Variants in CTNNA3 observed in about 807,000 individuals in gnomAD.
CTNNA3 encodes catenin alpha 3.
A neutral mutation model predicts 95.7 loss-of-function variants in CTNNA3; 76 were observed. The ratio of observed to expected loss-of-function variants is 0.79; its 90% CI spans 0.66 to 0.96. The LOEUF is 0.96. Among genes scored for constraint, CTNNA3 ranks in the 40% least tolerant of loss-of-function variants. The pLI is 0.00. For missense variants in CTNNA3, 1,191 were observed against 1,089.8 expected, an observed-to-expected ratio of 1.09 and a Z score of -1.31; for synonymous variants, 431 against 374.4, an observed-to-expected ratio of 1.15 and a Z score of -1.74.
At chr10:66,070,523 A>G (rs1396851496) in intron 14 of CTNNA3, among the ~76,000 whole-genome samples, 1 of 152,170 alleles carries the variant, frequency 6.6e-6, no homozygotes, top group East Asian at 1.9e-4. Flanking sequence ...TGTATCTCAG[A>G]GGTCATAAAT....
chr10:67,456,268 C>G (rs1847169377), intron 5 of CTNNA3, among the ~76,000 whole-genome samples: 1 of 152,062 alleles, frequency 6.6e-6, no homozygotes, highest in Non-Finnish European at 1.5e-5. Context: ...ACCATGGGAA[C>G]AATTTTTCAT....
intron 17 of CTNNA3, among the ~76,000 whole-genome samples, chr10:65,935,761 A>G (rs2077327575): frequency 6.6e-6 from 1 of 152,062 alleles, no homozygotes; most frequent in African/African-American, 2.4e-5. Flanking sequence ...ATTGACAGAT[A>G]ATATTTTATG....
At chr10:66,392,998 A>G (rs7893510) in intron 11 of CTNNA3, among the ~76,000 whole-genome samples, 24,578 of 152,112 alleles carry the variant, frequency 0.16, 2,724 homozygotes, top group East Asian at 0.45. Context: ...TGTAACCAAC[A>G]TGTTCTTCAG....
chr10:67,120,300 A>G (rs1224059054), intron 7 of CTNNA3, among the ~76,000 whole-genome samples: 6 of 151,976 alleles, frequency 3.9e-5, no homozygotes, highest in African/African-American at 9.7e-5. Context: ...TTATCACTTT[A>G]TACTACGAGG....
At chr10:67,484,546 C>A (rs557535218) in intron 5 of CTNNA3, among the ~76,000 whole-genome samples, 202 of 152,290 alleles carry the variant, frequency 1.3e-3, no homozygotes, top group Non-Finnish European at 2.4e-3. Flanking sequence ...TATTCACAAG[C>A]TAGGCATCTG....
intron 5 of CTNNA3, among the ~76,000 whole-genome samples, chr10:67,401,398 T>C (rs2132807926): frequency 6.6e-6 from 1 of 152,208 alleles, no homozygotes; most frequent in East Asian, 1.9e-4. Flanking sequence ...TTTGAACAAA[T>C]CTTCAGAGAG....
intron 6 of CTNNA3, among the ~76,000 whole-genome samples, chr10:67,201,842 G>T (rs1024903472): frequency 6.6e-6 from 1 of 152,132 alleles, no homozygotes; most frequent in Non-Finnish European, 1.5e-5. Context: ...AGTGCAATGT[G>T]GAAGTATAAG....
intron 7 of CTNNA3, among the ~76,000 whole-genome samples, chr10:66,882,422 A>G (rs181920504): frequency 5.9e-5 from 9 of 152,248 alleles, no homozygotes. Context: ...TAGTCAATTC[A>G]GAGACAGAGC....
At chr10:66,784,766 C>T (rs1378391371) in intron 7 of CTNNA3, among the ~76,000 whole-genome samples, 2 of 152,142 alleles carry the variant, frequency 1.3e-5, no homozygotes, top group African/African-American at 2.4e-5. Context: ...AAGGTCAAAA[C>T]ATGTGGAGAT....
At chr10:66,090,545 A>C (rs1393038688) in intron 14 of CTNNA3, among the ~76,000 whole-genome samples, 1 of 152,060 alleles carries the variant, frequency 6.6e-6, no homozygotes, top group Non-Finnish European at 1.5e-5. Flanking sequence ...AGAAATGTTC[A>C]GTAACTTGCT....
intron 5 of CTNNA3, among the ~76,000 whole-genome samples, chr10:67,330,914 C>T (rs1341613899): frequency 2.6e-5 from 4 of 152,126 alleles, no homozygotes; most frequent in Non-Finnish European, 5.9e-5. Flanking sequence ...AATTCAAAAT[C>T]CCTCCCCACT....
intron 7 of CTNNA3, among the ~76,000 whole-genome samples, chr10:67,014,059 C>T (rs79464362): frequency 6.6e-6 from 1 of 152,206 alleles, no homozygotes; most frequent in South Asian, 2.1e-4. Flanking sequence ...TAAAAAATAA[C>T]CTTTTTTCCC....
chr10:66,375,336 T>A (rs2092788180), intron 12 of CTNNA3, among the ~76,000 whole-genome samples: 1 of 149,636 alleles, frequency 6.7e-6, no homozygotes, highest in African/African-American at 2.5e-5. Context: ...TGAGACAGAG[T>A]GGAAGAGACT....
chr10:66,008,854 C>G (rs968483121), intron 15 of CTNNA3, among the ~76,000 whole-genome samples: 1 of 152,132 alleles, frequency 6.6e-6, no homozygotes. Flanking sequence ...GTAATCCCAG[C>G]ACTTTGTCAG....
chr10:67,193,896 T>A (rs1863231787), intron 6 of CTNNA3, among the ~76,000 whole-genome samples: 1 of 152,092 alleles, frequency 6.6e-6, no homozygotes. Context: ...CACACTACTT[T>A]CCACAATGGT....
chr10:66,074,930 A>C (rs1412753240), intron 14 of CTNNA3, among the ~76,000 whole-genome samples: 2 of 151,882 alleles, frequency 1.3e-5, no homozygotes, highest in Non-Finnish European at 2.9e-5. Flanking sequence ...AGAAATACTC[A>C]AGAGCTAAAA....
chr10:66,900,433 CA>C (rs1046691085), intron 7 of CTNNA3, among the ~76,000 whole-genome samples: 2 of 152,080 alleles, frequency 1.3e-5, no homozygotes, highest in African/African-American at 4.8e-5. Context: ...AACAGAAAAG[CA>C]GAAAATTTCA....
intron 13 of CTNNA3, among the ~76,000 whole-genome samples, chr10:66,114,217 C>A (rs2082229384): frequency 6.6e-6 from 1 of 151,952 alleles, no homozygotes; most frequent in African/African-American, 2.4e-5. Context: ...TTAGACTAGA[C>A]AGTAAAAGGG....
At chr10:67,358,038 G>T (rs1419286033) in intron 5 of CTNNA3, among the ~76,000 whole-genome samples, 2 of 151,918 alleles carry the variant, frequency 1.3e-5, no homozygotes, top group Admixed American at 6.6e-5. Flanking sequence ...GATGAGAAAA[G>T]GATAATATTT....
Sources: allele counts gnomAD v4.1 joint callset (sites outside exome capture counted in the v4.1 genomes callset), GRCh38; gene constraint gnomAD v4.1.1; transcripts MANE v1.5; gene names NCBI Gene and HGNC (gene_info 2026-07-23, HGNC 2026-07-21).